DCDC2: variants seen among roughly 807,000 people sequenced by gnomAD.
DCDC2 encodes doublecortin domain-containing protein 2.
DCDC2 carries 40 observed loss-of-function variants against 50.2 expected under a neutral mutation model. That is an observed-to-expected ratio of 0.80 (90% CI 0.62 to 1.04). The LOEUF (loss-of-function observed/expected upper bound fraction) is 1.04, where lower values mean the gene tolerates loss of function less well. Ranked by LOEUF, DCDC2 falls within the 50% of genes least tolerant of loss-of-function variation. The pLI, the probability that DCDC2 is intolerant of heterozygous loss-of-function variation, is 0.00. For synonymous variants in DCDC2, 234 were observed against 210.6 expected, an observed-to-expected ratio of 1.11 and a Z score of -0.96; for missense variants, 570 against 581.9, an observed-to-expected ratio of 0.98 and a Z score of 0.21.
At chr6:24,220,388 A>G (rs1183601480) in intron 7 of DCDC2, among the ~76,000 whole-genome samples, 1 of 152,246 alleles carries the variant, frequency 6.6e-6, no homozygotes, top group Non-Finnish European at 1.5e-5. Flanking sequence ...CAAATTAACA[A>G]CAACAAAAAA....
At chr6:24,242,623 A>T (rs990583314) in intron 7 of DCDC2, among the ~76,000 whole-genome samples, 6 of 152,214 alleles carry the variant, frequency 3.9e-5, no homozygotes, top group African/African-American at 1.4e-4. Flanking sequence ...AGACTGTCAC[A>T]GAGCACAGGT....
intron 8 of DCDC2, among the ~76,000 whole-genome samples, chr6:24,200,393 A>G (rs986712366): frequency 6.6e-6 from 1 of 152,234 alleles, no homozygotes; most frequent in African/African-American, 2.4e-5. Flanking sequence ...CCAGATTTTC[A>G]TATCCAGGCA....
chr6:24,242,879 T>A (rs536154914), intron 7 of DCDC2, among the ~76,000 whole-genome samples: 2 of 152,102 alleles, frequency 1.3e-5, no homozygotes, highest in African/African-American at 4.8e-5. Flanking sequence ...GGAGAATTGC[T>A]TGAAACCAAG....
intron 8 of DCDC2, among the ~76,000 whole-genome samples, chr6:24,183,016 T>G (rs1475213427): frequency 6.6e-6 from 1 of 152,196 alleles, no homozygotes; most frequent in East Asian, 1.9e-4. Flanking sequence ...GAAACAGAGA[T>G]ATTATGCTAA....
At chr6:24,267,616 C>A (rs1375913051) in intron 7 of DCDC2, among the ~76,000 whole-genome samples, 2 of 152,068 alleles carry the variant, frequency 1.3e-5, no homozygotes, top group Non-Finnish European at 2.9e-5. Flanking sequence ...TGGAGTCAAC[C>A]AAGAAATAAG....
At chr6:24,210,748 C>G (rs1761849750) in intron 7 of DCDC2, among the ~76,000 whole-genome samples, 1 of 152,234 alleles carries the variant, frequency 6.6e-6, no homozygotes, top group Non-Finnish European at 1.5e-5. Context: ...TTTAATTCCA[C>G]AGCTTAGAAA....
Position 24,301,630 on chromosome 6 carries a change from T to A in DCDC2, c.557+85A>T, listed in dbSNP as rs1315802163. ...CCTAACTGGGGAGCCAAAATTCAAATCCACAGACCAGTGACTCCGGAGCCT... is the reference window on the plus strand; with the variant it reads ...CCTAACTGGGGAGCCAAAATTCAAAACCACAGACCAGTGACTCCGGAGCCT... On this transcript the variant is annotated intron_variant, in intron 4 of 9. Coordinates refer to ENST00000378454, the MANE Select transcript of DCDC2 (RefSeq NM_016356.5). The A allele has an allele frequency of 2.0e-6, 3 of 1,525,536 alleles. No individual in the cohort carries two copies. In the East Asian group the frequency reaches 6.8e-5, roughly 34 times the overall value. The allele number at this position is 1,525,536 out of a possible 1,614,324, so 94.5% of individuals were successfully genotyped here. A position where few individuals can be genotyped will look rare whatever the true frequency, so the allele number is the denominator to read the frequency against.
At chr6:24,199,092 C>G (rs1761517484) in intron 8 of DCDC2, among the ~76,000 whole-genome samples, 1 of 152,248 alleles carries the variant, frequency 6.6e-6, no homozygotes, top group Non-Finnish European at 1.5e-5. Flanking sequence ...CTTCAGCAGA[C>G]TTAAACATTC....
At chr6:24,176,072 C>T (rs1025626958) in intron 9 of DCDC2, among the ~76,000 whole-genome samples, 4 of 151,828 alleles carry the variant, frequency 2.6e-5, no homozygotes, top group African/African-American at 7.3e-5. Flanking sequence ...GCAAGAGGAT[C>T]GCTTGAGTCC....
intron 8 of DCDC2, among the ~76,000 whole-genome samples, chr6:24,184,310 C>T (rs988623583): frequency 3.3e-5 from 5 of 152,156 alleles, no homozygotes; most frequent in Admixed American, 6.5e-5. Flanking sequence ...TGGTGGCTCA[C>T]GCTTGTAATC....
chr6:24,332,685 T>G (rs1037244335), intron 2 of DCDC2, among the ~76,000 whole-genome samples: 1 of 152,206 alleles, frequency 6.6e-6, no homozygotes, highest in Non-Finnish European at 1.5e-5. Context: ...TTGTTTGTTT[T>G]TTTTAAACTA....
intron 7 of DCDC2, among the ~76,000 whole-genome samples, chr6:24,223,904 C>G (rs1469258679): frequency 6.6e-6 from 1 of 152,196 alleles, no homozygotes; most frequent in Non-Finnish European, 1.5e-5. Context: ...TCTTAAACTT[C>G]AGTGTGCCGA....
upstream of DCDC2, among the ~76,000 whole-genome samples, chr6:24,360,070 C>A (rs1428871821): frequency 5.9e-5 from 9 of 152,206 alleles, no homozygotes; most frequent in Non-Finnish European, 1.3e-4. Context: ...GGCTGCGCGC[C>A]GCTCACGCTG....
intron 6 of DCDC2, among the ~76,000 whole-genome samples, chr6:24,282,773 TGGGG>T (rs200479535): frequency 8.3e-5 from 1 of 12,044 alleles, no homozygotes; most frequent in East Asian, 4.7e-3. Context: ...AAGCTGGGGG[TGGGG>T]GGTAGGGACT....
intron 6 of DCDC2, among the ~76,000 whole-genome samples, chr6:24,280,457 T>C (rs1314057135): frequency 6.6e-6 from 1 of 152,036 alleles, no homozygotes; most frequent in Non-Finnish European, 1.5e-5. Context: ...TATACGATTA[T>C]AGCAGAAGTT....
chr6:24,265,779 T>C (rs1252158393), intron 7 of DCDC2, among the ~76,000 whole-genome samples: 2 of 151,686 alleles, frequency 1.3e-5, no homozygotes, highest in African/African-American at 4.8e-5. Context: ...GGAAAGTTGA[T>C]AGATGTAAGT....
intron 7 of DCDC2, among the ~76,000 whole-genome samples, chr6:24,269,271 A>G (rs1399494639): frequency 6.6e-6 from 1 of 152,236 alleles, no homozygotes; most frequent in Non-Finnish European, 1.5e-5. Context: ...TATGTTCTTT[A>G]GTAGTGTGCT....
At chr6:24,374,276 T>C in the DCDC2 span, among the ~76,000 whole-genome samples, 1,605 of 150,598 alleles carry the variant, frequency 0.011, 10 homozygotes, top group South Asian at 0.021. Context: ...ATAACAACAA[T>C]TGGAAAGGTA....
intron 7 of DCDC2, among the ~76,000 whole-genome samples, chr6:24,257,683 C>T (rs529218970): frequency 2.0e-5 from 3 of 146,480 alleles, no homozygotes; most frequent in Admixed American, 2.0e-4. Flanking sequence ...TTGTGGAAGA[C>T]GCCTGAAGTT....
Sources: allele counts gnomAD v4.1 joint callset (sites outside exome capture counted in the v4.1 genomes callset), GRCh38; gene constraint gnomAD v4.1.1; transcripts MANE v1.5; gene names NCBI Gene and HGNC (gene_info 2026-07-23, HGNC 2026-07-21).